The following SUMF1 variants were observed in gnomAD, a reference collection of about 807,000 sequenced individuals.
SUMF1 encodes formylglycine-generating enzyme.
Under a neutral mutation model 47.6 loss-of-function variants are expected in SUMF1, and 48 were observed. That is an observed-to-expected ratio of 1.01 (90% CI 0.80 to 1.28). The LOEUF is 1.28. Ranked by LOEUF, SUMF1 falls within the 50% of genes most tolerant of loss-of-function variation. The pLI is 0.00. For missense variants in SUMF1, 571 were observed against 485.4 expected, an observed-to-expected ratio of 1.18 and a Z score of -1.66; for synonymous variants, 230 against 192.1, an observed-to-expected ratio of 1.20 and a Z score of -1.63.
Position 4,467,182 on chromosome 3 carries a change from G to A in SUMF1, c.64C>T (p.Leu22=), listed in dbSNP as rs761334671. The A allele has an allele frequency of 1.9e-6, 3 of 1,609,860 alleles. No homozygotes were observed. The East Asian group carries it at 6.7e-5, about 36-fold the overall frequency. Residue 22 remains leucine, a synonymous_variant, in exon 1 of 9, where the codon CTG becomes TTG. Transcript: ENST00000272902. ...CCACACAGCAGCGAGAGCAGCAGCA[G>A]CAAGAGGACGAGACCCAGCTCAGGG... ...RCPELGLVLL[L]LLLSLLCGAA...
At chr3:4,178,310 G>A (rs921725660) in intron 8 of SUMF1, among the ~76,000 whole-genome samples, 2 of 152,226 alleles carry the variant, frequency 1.3e-5, no homozygotes, top group Admixed American at 6.5e-5. Flanking sequence ...CTGGCAAACC[G>A]AATCCAGCAG....
chr3:4,382,867 C>T (rs1700551904), intron 7 of SUMF1, among the ~76,000 whole-genome samples: 1 of 152,034 alleles, frequency 6.6e-6, no homozygotes, highest in African/African-American at 2.4e-5. Context: ...GGGAGTTGAA[C>T]AATGAGAACA....
At chr3:4,121,649 A>G (rs927867688) in intron 8 of SUMF1, among the ~76,000 whole-genome samples, 2 of 152,162 alleles carry the variant, frequency 1.3e-5, no homozygotes, top group African/African-American at 4.8e-5. Flanking sequence ...CTAGGTATAT[A>G]CCCAAAAGAA....
chr3:4,043,391 T>C (rs1212583033), intron 9 of SUMF1, among the ~76,000 whole-genome samples: 1 of 152,182 alleles, frequency 6.6e-6, no homozygotes, highest in African/African-American at 2.4e-5. Context: ...ATGTCTTCTA[T>C]TTCTGCTGAG....
chr3:4,347,205 C>G (rs956011087), intron 8 of SUMF1, among the ~76,000 whole-genome samples: 1 of 152,186 alleles, frequency 6.6e-6, no homozygotes, highest in African/African-American at 2.4e-5. Context: ...CATCCTGATA[C>G]CAAAACCGGG....
intron 8 of SUMF1, among the ~76,000 whole-genome samples, chr3:4,231,928 G>T (rs1696307838): frequency 6.6e-6 from 1 of 152,044 alleles, no homozygotes; most frequent in South Asian, 2.1e-4. Flanking sequence ...ATTAAGTCTA[G>T]GAAAAAGATG....
At chr3:4,268,967 C>A (rs1697253276) in intron 8 of SUMF1, among the ~76,000 whole-genome samples, 1 of 151,928 alleles carries the variant, frequency 6.6e-6, no homozygotes, top group African/African-American at 2.4e-5. Flanking sequence ...TATAAGGAAA[C>A]TGTTCATAGG....
intron 8 of SUMF1, among the ~76,000 whole-genome samples, chr3:4,335,960 C>CAAAAAAAAACAAAAAAAAAAAA (rs1553558763): frequency 1.4e-5 from 1 of 73,908 alleles, no homozygotes; most frequent in Non-Finnish European, 2.3e-5. Flanking sequence ...GATTCCAACT[C>CAAAAAAAAACAAAAAAAAAAAA]AAAAAAAAAA....
At position 4,365,407 on chromosome 3, in the gene SUMF1, G is replaced by T. The variant is rs1419634316; in HGVS notation, c.1015-3153C>A. Reference sequence around the variant, plus strand: ...TTATGAATCTGGGTGCTTCTGTATTGGGTGCATATATATTTAGGATAGTTA... The same window carrying T: ...TTATGAATCTGGGTGCTTCTGTATTTGGTGCATATATATTTAGGATAGTTA... On this transcript the variant is annotated intron_variant, in intron 8 of 8. Coordinates refer to ENST00000272902, the MANE Select transcript of SUMF1 (RefSeq NM_182760.4). Among the ~76,000 whole-genome samples the T allele has an allele frequency of 6.5e-5, 8 of 123,650 alleles. 1 individual carries two copies. The East Asian group carries it at 1.7e-3, about 26-fold the overall frequency. The allele number at this position is 123,650 out of a possible 152,430, so 81.1% of individuals were successfully genotyped here. A position where few individuals can be genotyped will look rare whatever the true frequency, so the allele number is the denominator to read the frequency against.
chr3:4,124,251 C>A (rs1448417658), intron 8 of SUMF1, among the ~76,000 whole-genome samples: 2 of 152,094 alleles, frequency 1.3e-5, no homozygotes, highest in Non-Finnish European at 2.9e-5. Context: ...CAATTCTACT[C>A]TGAAGAAAAT....
intron 8 of SUMF1, among the ~76,000 whole-genome samples, chr3:4,169,062 G>A (rs777056457): frequency 6.6e-5 from 10 of 152,100 alleles, no homozygotes; most frequent in Non-Finnish European, 1.0e-4. Context: ...AACTGTAATT[G>A]TTGTCTCTTT....
chr3:4,396,057 G>A (rs1240396589), intron 7 of SUMF1, among the ~76,000 whole-genome samples: 2 of 152,168 alleles, frequency 1.3e-5, no homozygotes, highest in African/African-American at 4.8e-5. Context: ...ATTAACACTT[G>A]TGCTAGGCAC....
At chr3:4,223,333 A>G (rs1286120255) in intron 8 of SUMF1, among the ~76,000 whole-genome samples, 1 of 152,118 alleles carries the variant, frequency 6.6e-6, no homozygotes, top group Non-Finnish European at 1.5e-5. Flanking sequence ...GGGTGAGTTA[A>G]TGACCTCCTT....
chr3:4,378,854 A>G (rs1189003782), intron 7 of SUMF1, among the ~76,000 whole-genome samples: 1 of 151,938 alleles, frequency 6.6e-6, no homozygotes, highest in East Asian at 1.9e-4. Context: ...CTAGCGTGCA[A>G]TTTAGACTCC....
chr3:4,328,658 T>G (rs373766992), intron 8 of SUMF1, among the ~76,000 whole-genome samples: 13 of 151,320 alleles, frequency 8.6e-5, no homozygotes, highest in Admixed American at 3.3e-4. Flanking sequence ...AAGGTGAGAT[T>G]TGGGTGGGGA....
rs147755387 is a variant in SUMF1 at position 4,150,894 on chromosome 3, T to C, written c.1015-82149A>G. Among the ~76,000 whole-genome samples the C allele has an allele frequency of 1.9e-3, 293 of 151,442 alleles. 14 individuals carry two copies. Among genetic ancestry groups the C allele is most frequent in the African/African-American group, 6.8e-3 (277 of 40,776 alleles). Reference sequence around the variant, plus strand: ...AGACCCCTGATATTATCAGGTTCCATAGGCTTTAGCTGTCTCCCTGTGCCC... The same window carrying C: ...AGACCCCTGATATTATCAGGTTCCACAGGCTTTAGCTGTCTCCCTGTGCCC... On this transcript the variant is annotated intron_variant and NMD_transcript_variant, in intron 8 of 12. Transcript: ENST00000448413.
At chr3:4,040,389 C>A (rs967602173) in intron 9 of SUMF1, among the ~76,000 whole-genome samples, 1 of 152,098 alleles carries the variant, frequency 6.6e-6, no homozygotes. Context: ...TTATTCTTCC[C>A]CATGTCTCCC....
At chr3:4,082,173 T>TTTA (rs1182835371) in intron 8 of SUMF1, among the ~76,000 whole-genome samples, 2 of 152,114 alleles carry the variant, frequency 1.3e-5, no homozygotes, top group Non-Finnish European at 2.9e-5. Context: ...AAATCATTAT[T>TTTA]TTAAAAAAGT....
At chr3:4,335,652 T>C (rs925817043) in intron 8 of SUMF1, among the ~76,000 whole-genome samples, 2 of 151,924 alleles carry the variant, frequency 1.3e-5, no homozygotes, top group Non-Finnish European at 2.9e-5. Context: ...GAAATAAAAA[T>C]AGCCCCAGCT....
Sources: gnomAD v4.1 joint callset for allele counts (sites outside exome capture counted in the v4.1 genomes callset) on GRCh38, gnomAD v4.1.1 for gene constraint, MANE v1.5 for transcripts, NCBI Gene and HGNC (gene_info 2026-07-23, HGNC 2026-07-21) for gene names.